The following CCDC158 variants were observed in gnomAD, a reference collection of about 807,000 sequenced individuals.
The protein encoded by CCDC158 is coiled-coil domain-containing protein 158.
Under a neutral mutation model 138.6 loss-of-function variants are expected in CCDC158, and 116 were observed. That is an observed-to-expected ratio of 0.84 (90% confidence interval 0.72 to 0.98). The LOEUF is 0.98. CCDC158 is among the 50% of genes least tolerant of loss of function. The pLI, the probability that CCDC158 is intolerant of heterozygous loss-of-function variation, is 0.00. For synonymous variants in CCDC158, 436 were observed against 442.4 expected, an observed-to-expected ratio of 0.99 and a Z score of 0.18; for missense variants, 1,265 against 1,306.1, an observed-to-expected ratio of 0.97 and a Z score of 0.48.
At position 76,325,861 on chromosome 4, in the gene CCDC158, A is replaced by G. The variant is rs769872724; in HGVS notation, c.3165T>C (p.Val1055=). 6.2e-7 allele frequency: 1 copy of G among 1,607,850 alleles called. No individual in the cohort carries two copies. The highest frequency in any genetic ancestry group is 8.5e-7 in the Non-Finnish European group (1 of 1,177,874). The change falls in exon 23 of 25, where the codon GTT becomes GTC. Residue 1055 remains valine (V), a synonymous_variant. Transcript: ENST00000682701. The part of the protein sequence containing the change: ...SAKPIHSSDS[V]KDSQSPPIET... ...ATGATATCAGATCTTTCTTACCTTT[A>G]ACAGAATCAGATGAATGAATAGGTT...
Position 76,334,164 on chromosome 4 carries a change from A to C in CCDC158, c.2668T>G (p.Ser890Ala), listed in dbSNP as rs1721257947. ...QSTASFLSHH[S>A]TKANTLKEDP... ...TCCTTCAGTGTGTTAGCTTTTGTAG[A>C]GTGCTGAGTTAAAACAATTTACAAA... The change falls in exon 19 of 25, where the codon TCT (serine) becomes GCT (alanine). Residue 890 changes from serine (S) to alanine (A), a missense_variant. Transcript: ENST00000682701. 1 of 1,572,822 alleles carries C rather than the reference A, an allele frequency of 6.4e-7. No individual in the cohort carries two copies. The highest frequency in any genetic ancestry group is 2.3e-5 in the East Asian group (1 of 44,150).
chr4:76,351,581 A>G, intron 17 of CCDC158, 139 bp downstream of exon 17: 1 of 620,030 alleles, frequency 1.6e-6, no homozygotes, highest in Non-Finnish European at 2.9e-6. Flanking sequence ...AACAATGTAC[A>G]CATCTTATCA....
At chr4:76,376,616 C>T (rs2110278134) in intron 9 of CCDC158, among the ~76,000 whole-genome samples, 1 of 152,028 alleles carries the variant, frequency 6.6e-6, no homozygotes, top group East Asian at 1.9e-4. Context: ...TTTTATGATC[C>T]CAAGTGAAAT....
intron 13 of CCDC158, among the ~76,000 whole-genome samples, chr4:76,359,660 G>A (rs993997280): frequency 2.2e-4 from 33 of 152,296 alleles, no homozygotes; most frequent in African/African-American, 7.0e-4. Context: ...TAGGGTATCT[G>A]GCAGAAGAAA....
chr4:76,390,009 G>T (rs75945515), intron 4 of CCDC158, among the ~76,000 whole-genome samples: 4,479 of 152,198 alleles, frequency 0.029, 219 homozygotes, highest in African/African-American at 0.1. Context: ...TAATAAGCAA[G>T]AATAAATCAT....
chr4:76,352,451 C>A (rs1171579657), intron 16 of CCDC158: 1 of 152,016 alleles, frequency 6.6e-6, no homozygotes, highest in Non-Finnish European at 1.5e-5. Context: ...ATAACCACAA[C>A]TGAAATTCAC....
chr4:76,388,469 T>C (rs1387220601), intron 4 of CCDC158, among the ~76,000 whole-genome samples: 1 of 152,124 alleles, frequency 6.6e-6, no homozygotes, highest in Non-Finnish European at 1.5e-5. Flanking sequence ...CATGGACTAG[T>C]GGTGGTGGTA....
intron 1 of CCDC158, among the ~76,000 whole-genome samples, chr4:76,415,515 T>C (rs1364219743): frequency 6.6e-6 from 1 of 152,128 alleles, no homozygotes; most frequent in Admixed American, 6.6e-5. Context: ...GCTGTTCCAG[T>C]ATAATAAAAT....
At chr4:76,331,283 T>C (rs1409394867) in intron 21 of CCDC158, 61 bp downstream of exon 21, 3 of 1,423,472 alleles carry the variant, frequency 2.1e-6, no homozygotes, top group Admixed American at 1.7e-5. Flanking sequence ...AAAGATCTTT[T>C]GAATTAATAA....
intron 18 of CCDC158, among the ~76,000 whole-genome samples, chr4:76,336,056 C>G (rs1022408860): frequency 6.6e-6 from 1 of 151,614 alleles, no homozygotes; most frequent in Non-Finnish European, 1.5e-5. Flanking sequence ...GTGGCAGGCA[C>G]CTGTAGTCCC....
chr4:76,405,609 G>A (rs1728754513), intron 2 of CCDC158, among the ~76,000 whole-genome samples: 1 of 152,108 alleles, frequency 6.6e-6, no homozygotes, highest in Admixed American at 6.5e-5. Context: ...GTGAGGTAAT[G>A]GCACTGAATA....
rs1295366121 is a variant in CCDC158, at chr4:76,330,088, ACT to A, written c.2943-1123_2943-1122del. ...AGCAGATTTTTCTAGTCATGAAGAA[ACT>A]CTACTGCAGAGCTTTAATTATCTCA... On this transcript the variant is annotated intron_variant, in intron 21 of 24. Transcript: ENST00000682701. 2.6e-5 allele frequency among the ~76,000 whole-genome samples: 4 copies of A among 152,214 alleles called. No individual in the cohort carries two copies. The East Asian group carries it at 7.7e-4, about 29-fold the overall frequency.
chr4:76,349,058 A>G (rs1424853763), intron 18 of CCDC158, among the ~76,000 whole-genome samples: 1 of 152,170 alleles, frequency 6.6e-6, no homozygotes, highest in Non-Finnish European at 1.5e-5. Context: ...TCTTGAAAAC[A>G]GTCAGAGAAA....
intron 18 of CCDC158, among the ~76,000 whole-genome samples, chr4:76,338,961 G>T (rs968458173): frequency 6.6e-6 from 1 of 152,208 alleles, no homozygotes; most frequent in Non-Finnish European, 1.5e-5. Flanking sequence ...GCATTGAAAA[G>T]AAAGCTGCAT....
Position 76,333,283 on chromosome 4 carries a change from G to A in CCDC158, c.2822+727C>T, listed in dbSNP as rs181006271. Among the ~76,000 whole-genome samples the A allele has an allele frequency of 7.4e-3, 1,118 of 152,078 alleles. 14 individuals carry two copies. Among genetic ancestry groups the A allele is most frequent in the African/African-American group, 0.026 (1,062 of 41,490 alleles). On this transcript the variant is annotated intron_variant, in intron 19 of 24. Transcript: ENST00000682701. Reference sequence around the variant, plus strand: ...ATCATTTCAGGAAGTATTACTTTTAGGTATTTGTCATATAATCAGAAAATG... The same window carrying A: ...ATCATTTCAGGAAGTATTACTTTTAAGTATTTGTCATATAATCAGAAAATG...
At position 76,343,078 on chromosome 4, in the gene CCDC158, A is replaced by G. The variant is rs370403079; in HGVS notation, c.2664+7918T>C. Among the ~76,000 whole-genome samples the G allele has an allele frequency of 3.9e-5, 6 of 152,348 alleles. No homozygotes were observed. The East Asian group carries it at 1.2e-3, about 29-fold the overall frequency. The stretch of plus-strand genomic sequence containing the variant: ...GACTTTGGACTCCATAGAGATATCT[A>G]TCTTGTATAGCAGGAGTAAGGTTGC... On this transcript the variant is annotated intron_variant, in intron 18 of 24. Coordinates refer to ENST00000682701, the MANE Select transcript of CCDC158 (RefSeq NM_001394954.1).
chr4:76,335,620 C>T (rs1330364843), intron 18 of CCDC158, among the ~76,000 whole-genome samples: 1 of 152,090 alleles, frequency 6.6e-6, no homozygotes, highest in Non-Finnish European at 1.5e-5. Context: ...CACTCTGTCA[C>T]CTAGGCTGGA....
chr4:76,414,608 T>C (rs13137784), intron 1 of CCDC158, among the ~76,000 whole-genome samples: 130,126 of 152,210 alleles, frequency 0.85, 55,952 homozygotes, highest in South Asian at 0.97. Flanking sequence ...TTCCCACGTG[T>C]GTGGGAGGGA....
chr4:76,335,014 C>T (rs1308996651), intron 18 of CCDC158, among the ~76,000 whole-genome samples: 1 of 152,110 alleles, frequency 6.6e-6, no homozygotes, highest in African/African-American at 2.4e-5. Context: ...ATATAATATC[C>T]AGCTGAAGAT....
Sources: allele counts gnomAD v4.1 joint callset (sites outside exome capture counted in the v4.1 genomes callset), GRCh38; gene constraint gnomAD v4.1.1; transcripts MANE v1.5; gene names NCBI Gene and HGNC (gene_info 2026-07-23, HGNC 2026-07-21).